LYPLAL1: variants seen among roughly 807,000 people sequenced by gnomAD.
LYPLAL1 encodes the protein lysophospholipase like 1.
A neutral mutation model predicts 19.7 loss-of-function variants in LYPLAL1; 23 were observed. The observed-to-expected ratio is 1.17, with a 90% CI of 0.84 to 1.65. The LOEUF (loss-of-function observed/expected upper bound fraction) is 1.65, where lower values mean the gene tolerates loss of function less well. Ranked by LOEUF, LYPLAL1 falls within the 40% of genes most tolerant of loss-of-function variation. LYPLAL1 has a pLI of 0.00. For synonymous variants in LYPLAL1, 119 were observed against 96.3 expected (o/e 1.24, Z -1.38); for missense variants, 355 against 279.4 (o/e 1.27, Z -1.93).
intron 3 of LYPLAL1, among the ~76,000 whole-genome samples, chr1:219,200,838 G>C (rs1033936645): frequency 6.6e-6 from 1 of 152,228 alleles, no homozygotes; most frequent in Non-Finnish European, 1.5e-5. Context: ...AGGGTCCTGA[G>C]GACAGGAGCT....
chr1:219,331,240 A>C, the LYPLAL1 span, among the ~76,000 whole-genome samples: 1 of 152,170 alleles, frequency 6.6e-6, no homozygotes, highest in Non-Finnish European at 1.5e-5. Context: ...CCATTGCTTG[A>C]AGTCACAGAA....
the LYPLAL1 span, chr1:219,222,469 G>C: frequency 6.6e-6 from 1 of 152,148 alleles, no homozygotes; most frequent in East Asian, 1.9e-4. Flanking sequence ...GGCATGCGTA[G>C]TTGTAAAGAA....
At chr1:219,414,756 A>G in the LYPLAL1 span, among the ~76,000 whole-genome samples, 1 of 152,328 alleles carries the variant, frequency 6.6e-6, no homozygotes, top group East Asian at 1.9e-4. Flanking sequence ...GGACCAATTC[A>G]AAAGTCACTA....
chr1:219,279,219 G>C, the LYPLAL1 span, among the ~76,000 whole-genome samples: 1 of 152,190 alleles, frequency 6.6e-6, no homozygotes, highest in Non-Finnish European at 1.5e-5. Context: ...TGTGGGAAGA[G>C]GAATGTGGGT....
chr1:219,174,270 C>A (rs2125007292), intron 1 of LYPLAL1: 1 of 1,323,034 alleles, frequency 7.6e-7, no homozygotes, highest in Non-Finnish European at 9.7e-7. Flanking sequence ...CCTCCCCATT[C>A]CTCGCCCCAA....
At chr1:219,365,014 C>T in the LYPLAL1 span, among the ~76,000 whole-genome samples, 15 of 152,142 alleles carry the variant, frequency 9.9e-5, no homozygotes, top group South Asian at 3.1e-3. Flanking sequence ...CTGATAGTTA[C>T]ATCAGATTTT....
chr1:219,213,442 CAAAAA>C (rs549367764), downstream of LYPLAL1, among the ~76,000 whole-genome samples: 1 of 137,670 alleles, frequency 7.3e-6, no homozygotes, highest in Non-Finnish European at 1.6e-5. Context: ...TCTGTATCTA[CAAAAA>C]AAAAAAATTC....
At chr1:219,174,069 G>A in intron 1 of LYPLAL1, 88 bp downstream of exon 1, 1 of 1,568,504 alleles carries the variant, frequency 6.4e-7, no homozygotes, top group Non-Finnish European at 8.7e-7. Flanking sequence ...TGGAGGTGTC[G>A]CCGGGCCCAA....
At chr1:219,305,868 A>T in the LYPLAL1 span, among the ~76,000 whole-genome samples, 1 of 152,208 alleles carries the variant, frequency 6.6e-6, no homozygotes, top group Non-Finnish European at 1.5e-5. Flanking sequence ...CATCATCACT[A>T]TCAACTCTGA....
the LYPLAL1 span, among the ~76,000 whole-genome samples, chr1:219,382,098 A>G: frequency 2.0e-5 from 3 of 152,214 alleles, no homozygotes; most frequent in African/African-American, 7.2e-5. Flanking sequence ...TGTTGGTGCA[A>G]AAAAGAGACA....
the LYPLAL1 span, among the ~76,000 whole-genome samples, chr1:219,319,719 T>C: frequency 4.9e-4 from 74 of 152,306 alleles, no homozygotes; most frequent in Non-Finnish European, 9.7e-4. Context: ...ACTGTTCAAC[T>C]CTTTGTTTAC....
the LYPLAL1 span, chr1:219,271,936 T>C: frequency 3.3e-5 from 5 of 152,356 alleles, no homozygotes; most frequent in Non-Finnish European, 7.4e-5. Flanking sequence ...AGCTTTGCTT[T>C]GCAGGAGACT....
rs562081540 is a variant in LYPLAL1, at chr1:219,177,431, A to G, written c.92-1716A>G. Among the ~76,000 whole-genome samples, 5 of 152,198 alleles carry G rather than the reference A, an allele frequency of 3.3e-5. No individual in the cohort carries two copies. The East Asian group carries it at 9.7e-4, about 29-fold the overall frequency. ...ATCCTCCTTAAGGACCCTAGGCTGG[A>G]TTTTGTCCTCCCCTCTAGCTGTCCA... On this transcript the variant is annotated intron_variant, in intron 1 of 4. Transcript: ENST00000366928.
At chr1:219,440,318 C>G in the LYPLAL1 span, among the ~76,000 whole-genome samples, 1 of 151,942 alleles carries the variant, frequency 6.6e-6, no homozygotes, top group African/African-American at 2.4e-5. Flanking sequence ...CTACCTCTGC[C>G]CACTGAAACA....
chr1:219,330,587 T>C, the LYPLAL1 span, among the ~76,000 whole-genome samples: 4 of 152,198 alleles, frequency 2.6e-5, no homozygotes, highest in Admixed American at 2.6e-4. Context: ...ATATTAAAAA[T>C]ATCAACTAAT....
At chr1:219,180,246 A>G (rs1005899315) in intron 2 of LYPLAL1, among the ~76,000 whole-genome samples, 2 of 152,190 alleles carry the variant, frequency 1.3e-5, no homozygotes, top group African/African-American at 4.8e-5. Context: ...CGGCCTCCCA[A>G]AAGTGCTGGA....
At chr1:219,416,479 T>A in the LYPLAL1 span, among the ~76,000 whole-genome samples, 24 of 152,194 alleles carry the variant, frequency 1.6e-4, no homozygotes, top group African/African-American at 5.3e-4. Flanking sequence ...TAGACAGCAA[T>A]CTTCTATTGA....
At chr1:219,361,189 T>C in the LYPLAL1 span, among the ~76,000 whole-genome samples, 2 of 152,148 alleles carry the variant, frequency 1.3e-5, no homozygotes, top group East Asian at 3.9e-4. Context: ...CAGAACAAGT[T>C]AGAGAACAAG....
the LYPLAL1 span, among the ~76,000 whole-genome samples, chr1:219,258,467 CA>C: frequency 2.0e-5 from 3 of 152,044 alleles, no homozygotes; most frequent in African/African-American, 7.2e-5. Flanking sequence ...CTTCCTGCAA[CA>C]AATAGCATAT....
Sources: gnomAD v4.1 joint callset for allele counts (sites outside exome capture counted in the v4.1 genomes callset) on GRCh38, gnomAD v4.1.1 for gene constraint, MANE v1.5 for transcripts, NCBI Gene and HGNC (gene_info 2026-07-23, HGNC 2026-07-21) for gene names.